ATP2B2: variants seen among roughly 807,000 people sequenced by gnomAD.
ATP2B2 encodes the protein ATPase plasma membrane Ca2+ transporting 2.
Under a neutral mutation model 120.0 loss-of-function variants are expected in ATP2B2, and 15 were observed. The observed-to-expected ratio is 0.12, with a 90% CI of 0.08 to 0.19. The LOEUF (loss-of-function observed/expected upper bound fraction) is 0.19, where lower values mean the gene tolerates loss of function less well. Ranked by LOEUF, ATP2B2 falls within the 10% of genes least tolerant of loss-of-function variation. The pLI is 1.00. For synonymous variants in ATP2B2, 694 were observed against 700.3 expected, an observed-to-expected ratio of 0.99 and a Z score of 0.14; for missense variants, 1,045 against 1,719.8, an observed-to-expected ratio of 0.61 and a Z score of 6.94.
At chr3:10,609,125 C>T (rs2069161079) in intron 2 of ATP2B2, among the ~76,000 whole-genome samples, 1 of 152,242 alleles carries the variant, frequency 6.6e-6, no homozygotes, top group Admixed American at 6.5e-5. Context: ...ATAGCCCTGG[C>T]ACCAACAGCT....
At chr3:10,453,285 A>C (rs2064130546) in intron 1 of ATP2B2, among the ~76,000 whole-genome samples, 1 of 152,266 alleles carries the variant, frequency 6.6e-6, no homozygotes, top group Non-Finnish European at 1.5e-5. Context: ...TATGAGGCTT[A>C]AATGAGTTAT....
At chr3:10,332,358 A>G in intron 22 of ATP2B2, 1 of 354,856 alleles carries the variant, frequency 2.8e-6, no homozygotes, top group Non-Finnish European at 5.3e-6. Flanking sequence ...GTGGTTTGAA[A>G]GAGCAGGACT....
intron 1 of ATP2B2, among the ~76,000 whole-genome samples, chr3:10,699,139 T>C (rs919567681): frequency 9.2e-5 from 14 of 152,244 alleles, no homozygotes; most frequent in Non-Finnish European, 1.8e-4. Flanking sequence ...AGGATTTCTT[T>C]ACCTGATCAT....
chr3:10,669,775 C>G (rs941732794), intron 1 of ATP2B2, among the ~76,000 whole-genome samples: 5 of 152,144 alleles, frequency 3.3e-5, no homozygotes, highest in Admixed American at 6.5e-5. Context: ...CCCCCACCCC[C>G]CAGAGACAGG....
intron 2 of ATP2B2, among the ~76,000 whole-genome samples, chr3:10,614,898 T>C (rs1266947873): frequency 3.3e-5 from 5 of 152,200 alleles, no homozygotes; most frequent in Non-Finnish European, 7.4e-5. Flanking sequence ...GAGAAGAGAC[T>C]TTGCTATAAG....
In ATP2B2 at chr3:10,371,932, T is replaced by A. The variant is rs1341879190; in HGVS notation, c.1536A>T (p.Val512=). The A allele has an allele frequency of 6.2e-7, 1 of 1,614,242 alleles. No individual in the cohort carries two copies. The highest frequency in any genetic ancestry group is 1.7e-5 in the Admixed American group (1 of 60,024). Residue 512 remains valine (V), a synonymous_variant, in exon 12 of 23, where the codon GTA becomes GTT. Transcript: ENST00000360273. ...GTLTTNRMTV[V]QAYVGDVHYK... ...AGTGGACGTCGCCGACATAGGCCTG[T>A]ACCACTGTCATGCGATTGGTGGTCA...
intron 1 of ATP2B2, among the ~76,000 whole-genome samples, chr3:10,640,276 G>A (rs775114347): frequency 2.6e-5 from 4 of 152,194 alleles, no homozygotes; most frequent in South Asian, 2.1e-4. Flanking sequence ...GGGGAACTAC[G>A]TCAGAGGTCA....
At chr3:10,547,052 G>A (rs1430196293) in intron 2 of ATP2B2, among the ~76,000 whole-genome samples, 3 of 152,176 alleles carry the variant, frequency 2.0e-5, no homozygotes, top group East Asian at 3.9e-4. Context: ...TCCAGCAGCC[G>A]GGAACTGAGC....
At position 10,383,078 on chromosome 3, in the gene ATP2B2, T is replaced by A. The variant is rs184219528; in HGVS notation, c.1000+2190A>T. Among the ~76,000 whole-genome samples, 909 of 150,524 alleles carry A rather than the reference T, an allele frequency of 6.0e-3. 11 individuals carry two copies. Among genetic ancestry groups the A allele is most frequent in the African/African-American group, 0.02 (813 of 41,368 alleles). On this transcript the variant is annotated intron_variant, in intron 8 of 22. Transcript: ENST00000360273. ...TTTTTAATTTTTTAATTTTAATTTT[T>A]ATTTTATTATTATTATACTTTAAGT...
In ATP2B2 at chr3:10,347,213, C is replaced by G. The variant is rs1369798406; in HGVS notation, c.2405-1076G>C. On this transcript the variant is annotated intron_variant, in intron 16 of 22. Transcript: ENST00000360273. This position sits in a 1 kb window ranked among gnomAD's most constrained non-coding sequence, Gnocchi z 5.2. ...ATCCCCTGGCCACCCCCAATCTGTG[C>G]TTACGGTCCCACAGAGCTAGCTCTC... is the stretch of plus-strand genomic sequence containing the variant. 6.6e-6 allele frequency among the ~76,000 whole-genome samples: 1 copy of G among 152,198 alleles called. No individual in the cohort carries two copies. Among genetic ancestry groups the G allele is most frequent in the African/African-American group, 2.4e-5 (1 of 41,448 alleles).
At chr3:10,605,522 C>T (rs945654798) in intron 2 of ATP2B2, among the ~76,000 whole-genome samples, 1 of 152,136 alleles carries the variant, frequency 6.6e-6, no homozygotes, top group Non-Finnish European at 1.5e-5. Context: ...TTCTGGGAAC[C>T]AGAGCTGGGG....
chr3:10,438,803 C>G (rs2063558148), intron 2 of ATP2B2, among the ~76,000 whole-genome samples: 1 of 152,214 alleles, frequency 6.6e-6, no homozygotes, highest in Non-Finnish European at 1.5e-5. Context: ...TCAGGTCCTA[C>G]TAGCATTCGA....
At chr3:10,470,126 A>C (rs1170194936) in intron 1 of ATP2B2, among the ~76,000 whole-genome samples, 1 of 152,176 alleles carries the variant, frequency 6.6e-6, no homozygotes, top group African/African-American at 2.4e-5. Context: ...GAAGTGACCC[A>C]GGGAGTTATC....
intron 1 of ATP2B2, among the ~76,000 whole-genome samples, chr3:10,660,197 C>T (rs2070743517): frequency 6.6e-6 from 1 of 152,060 alleles, no homozygotes; most frequent in African/African-American, 2.4e-5. Flanking sequence ...ACTAGAGAAG[C>T]AAGAGCAAAC....
At chr3:10,675,461 G>A (rs1426481100) in intron 1 of ATP2B2, among the ~76,000 whole-genome samples, 1 of 152,170 alleles carries the variant, frequency 6.6e-6, no homozygotes, top group East Asian at 1.9e-4. Context: ...TATTTTCACA[G>A]GAATAAAGAG....
chr3:10,443,935 G>A (rs2063751220), intron 2 of ATP2B2, among the ~76,000 whole-genome samples: 1 of 152,120 alleles, frequency 6.6e-6, no homozygotes, highest in African/African-American at 2.4e-5. Flanking sequence ...CTTGCCTGAG[G>A]TCTCCCACAT....
intron 2 of ATP2B2, among the ~76,000 whole-genome samples, chr3:10,544,944 A>T (rs1046408681): frequency 6.6e-6 from 1 of 152,234 alleles, no homozygotes; most frequent in Non-Finnish European, 1.5e-5. Context: ...TGTCTCCAGC[A>T]GTATTGTTTG....
At chr3:10,470,040 G>A (rs957282575) in intron 1 of ATP2B2, among the ~76,000 whole-genome samples, 4 of 152,142 alleles carry the variant, frequency 2.6e-5, no homozygotes, top group African/African-American at 4.8e-5. Flanking sequence ...AGATCTCAGC[G>A]CTGGGCAGGG....
intron 1 of ATP2B2, among the ~76,000 whole-genome samples, chr3:10,647,158 T>C (rs1296064026): frequency 3.9e-5 from 6 of 152,146 alleles, no homozygotes; most frequent in Admixed American, 6.5e-5. Flanking sequence ...ACAAGGAATC[T>C]GAGCTGTGTC....
Sources: allele counts gnomAD v4.1 joint callset (sites outside exome capture counted in the v4.1 genomes callset), GRCh38; gene constraint gnomAD v4.1.1; non-coding constraint Gnocchi (gnomAD v3.1); transcripts MANE v1.5; gene names NCBI Gene and HGNC (gene_info 2026-07-23, HGNC 2026-07-21).